The following CCDC3 variants were observed in gnomAD, a reference collection of about 807,000 sequenced individuals.
CCDC3 encodes coiled-coil domain containing 3, also known as coiled-coil domain-containing protein 3.
A neutral mutation model predicts 21.4 loss-of-function variants in CCDC3; 24 were observed. The observed-to-expected ratio is 1.12, with a 90% CI of 0.81 to 1.58. The LOEUF (loss-of-function observed/expected upper bound fraction) is 1.58, where lower values mean the gene tolerates loss of function less well. CCDC3 is among the 40% of genes most tolerant of loss of function. The pLI is 0.00. For synonymous variants in CCDC3, 186 were observed against 166.0 expected (o/e 1.12, Z -0.93); for missense variants, 425 against 360.9 (o/e 1.18, Z -1.44).
chr10:13,026,333 A>C (rs1417326101), intron 5 of CCDC3, among the ~76,000 whole-genome samples: 1 of 152,238 alleles, frequency 6.6e-6, no homozygotes, highest in Non-Finnish European at 1.5e-5. Context: ...TCATACCTTA[A>C]TAACCTACAG....
chr10:13,073,569 C>T (rs1007041007), intron 4 of CCDC3, among the ~76,000 whole-genome samples: 5 of 124,672 alleles, frequency 4.0e-5, no homozygotes, highest in African/African-American at 1.3e-4. Flanking sequence ...CAACCTCCCC[C>T]TCCTAGGCTC....
intron 5 of CCDC3, among the ~76,000 whole-genome samples, chr10:13,016,823 G>A (rs937918317): frequency 1.3e-5 from 2 of 152,060 alleles, no homozygotes; most frequent in South Asian, 2.1e-4. Context: ...TTAATACAGG[G>A]TACATCTTCA....
intron 3 of CCDC3, among the ~76,000 whole-genome samples, chr10:13,077,640 A>T (rs145780457): frequency 0.74 from 112,340 of 150,860 alleles, 42,147 homozygotes; most frequent in Middle Eastern, 0.83. Flanking sequence ...AAAACAGCAC[A>T]GTACTGGTAC....
At chr10:12,941,833 C>T (rs1266937844) in intron 2 of CCDC3, among the ~76,000 whole-genome samples, 1 of 152,128 alleles carries the variant, frequency 6.6e-6, no homozygotes, top group African/African-American at 2.4e-5. Flanking sequence ...TAGAAAATTC[C>T]ATCTATTAAG....
At chr10:13,093,793 A>C (rs1832602685) in intron 3 of CCDC3, among the ~76,000 whole-genome samples, 1 of 152,214 alleles carries the variant, frequency 6.6e-6, no homozygotes, top group African/African-American at 2.4e-5. Flanking sequence ...GATGGAAAAA[A>C]GACAAATCAC....
rs773055935 is a variant in CCDC3 at position 12,898,368 on chromosome 10, C to G, written c.*48G>C. The G allele has an allele frequency of 1.4e-5, 22 of 1,524,248 alleles. No homozygotes were observed. Among genetic ancestry groups the G allele is most frequent in the Non-Finnish European group, 1.8e-5 (21 of 1,135,946 alleles). 94.4% of individuals were successfully genotyped at this position (1,524,248 alleles called of 1,614,324 possible). On this transcript the variant is annotated 3_prime_UTR_variant, in exon 3 of 3. Coordinates refer to ENST00000378825, the MANE Select transcript of CCDC3 (RefSeq NM_031455.4). ...GCATGTACGAAACCTCACTCATTCT[C>G]AATTACCGTCAGGATTGGCCCTGCA...
chr10:13,042,548 T>C (rs1282986343), intron 5 of CCDC3, among the ~76,000 whole-genome samples: 1 of 152,192 alleles, frequency 6.6e-6, no homozygotes. Context: ...ATTCTTCTTA[T>C]GTGCTGTTGG....
chr10:13,048,437 C>A (rs1358777683), intron 5 of CCDC3, among the ~76,000 whole-genome samples: 1 of 152,050 alleles, frequency 6.6e-6, no homozygotes, highest in Non-Finnish European at 1.5e-5. Context: ...TGTGATCTGC[C>A]CACCTCGGCC....
At chr10:12,994,872 G>C (rs939934046) in intron 2 of CCDC3, among the ~76,000 whole-genome samples, 1 of 152,010 alleles carries the variant, frequency 6.6e-6, no homozygotes, top group African/African-American at 2.4e-5. Flanking sequence ...TCTGAGGTCA[G>C]GAGTTCAAGA....
In CCDC3 at chr10:13,087,922, C is replaced by T. The variant is rs138467799; in HGVS notation, c.-503+10603G>A. Among the ~76,000 whole-genome samples, 407 of 152,254 alleles carry T rather than the reference C, an allele frequency of 2.7e-3. 1 individual carries two copies. The highest frequency in any genetic ancestry group is 0.014 in the Middle Eastern group (4 of 294). Reference sequence around the variant, plus strand: ...TAGGAAGCTTTTGGCAAGGACTTCACGGATAGCATTGCAAGCTGAGGATCT... The same window carrying T: ...TAGGAAGCTTTTGGCAAGGACTTCATGGATAGCATTGCAAGCTGAGGATCT... On this transcript the variant is annotated intron_variant, in intron 3 of 6. Coordinates refer to the CCDC3 transcript ENST00000378839.
intron 2 of CCDC3, among the ~76,000 whole-genome samples, chr10:12,904,618 G>A (rs1267461674): frequency 1.3e-5 from 2 of 151,894 alleles, no homozygotes; most frequent in African/African-American, 4.8e-5. Context: ...GGCCTTTTTG[G>A]GTCACCTGTC....
intron 2 of CCDC3, among the ~76,000 whole-genome samples, chr10:12,958,288 T>A (rs1835124881): frequency 6.6e-6 from 1 of 152,174 alleles, no homozygotes; most frequent in African/African-American, 2.4e-5. Context: ...ATAAAGCAGT[T>A]GTGTGAGGTG....
chr10:12,926,148 G>A (rs985696346), intron 2 of CCDC3, among the ~76,000 whole-genome samples: 1 of 152,250 alleles, frequency 6.6e-6, no homozygotes, highest in African/African-American at 2.4e-5. Context: ...ATAGTCAGGA[G>A]CAGAAACCAA....
intron 2 of CCDC3, among the ~76,000 whole-genome samples, chr10:12,957,157 C>T (rs888000181): frequency 2.0e-5 from 3 of 152,126 alleles, no homozygotes; most frequent in South Asian, 2.1e-4. Flanking sequence ...GTTAGCAGGC[C>T]CAGATGGCCT....
At chr10:13,021,973 T>C (rs1184831981) in intron 5 of CCDC3, among the ~76,000 whole-genome samples, 1 of 152,110 alleles carries the variant, frequency 6.6e-6, no homozygotes, top group East Asian at 1.9e-4. Flanking sequence ...TTGGCCAGGA[T>C]GGTCTCGAAC....
intron 1 of CCDC3, 49 bp from the exon 2 acceptor site, chr10:12,998,561 T>C (rs753137510): frequency 6.4e-7 from 1 of 1,557,736 alleles, no homozygotes; most frequent in South Asian, 1.2e-5. Flanking sequence ...GTCAAGGGTG[T>C]ACCAGCTCCA....
chr10:13,072,458 C>T lies in CCDC3; in HGVS notation c.-270+1410G>A, dbSNP rs556334386. Among the ~76,000 whole-genome samples the T allele has an allele frequency of 2.4e-4, 37 of 152,332 alleles. 1 individual carries two copies. In the South Asian group the frequency reaches 5.8e-3, roughly 24 times the overall value. ...TATAAAGGTGTCCCCAGAGAATCTCCGACCCACCCCACAAGTGTTTACATC... is the reference window on the plus strand; with the variant it reads ...TATAAAGGTGTCCCCAGAGAATCTCTGACCCACCCCACAAGTGTTTACATC... On this transcript the variant is annotated intron_variant, in intron 4 of 6. Coordinates refer to the CCDC3 transcript ENST00000378839.
chr10:12,992,691 A>G (rs1272387658), intron 2 of CCDC3, among the ~76,000 whole-genome samples: 1 of 152,112 alleles, frequency 6.6e-6, no homozygotes. Context: ...AAGACTACAC[A>G]CTGGGTACAG....
chr10:12,969,122 A>C (rs1589025349), intron 2 of CCDC3, among the ~76,000 whole-genome samples: 1 of 152,202 alleles, frequency 6.6e-6, no homozygotes, highest in Non-Finnish European at 1.5e-5. Context: ...CATGTAAACA[A>C]GTCAATTAAA....
Sources: gnomAD v4.1 joint callset for allele counts (sites outside exome capture counted in the v4.1 genomes callset) on GRCh38, gnomAD v4.1.1 for gene constraint, MANE v1.5 for transcripts, NCBI Gene and HGNC (gene_info 2026-07-23, HGNC 2026-07-21) for gene names.